Variants in TMEM61 observed in about 807,000 individuals in gnomAD.
TMEM61 encodes the protein transmembrane protein 61.
TMEM61 carries 13 observed loss-of-function variants against 12.0 expected under a neutral mutation model. That is an observed-to-expected ratio of 1.08 (90% CI 0.70 to 1.72). The LOEUF (loss-of-function observed/expected upper bound fraction) is 1.72. Ranked by LOEUF, TMEM61 falls within the 40% of genes most tolerant of loss-of-function variation. The probability of loss-of-function intolerance (pLI) is 0.00; values close to 1 mark genes in which losing one functional copy is unlikely to be tolerated. For synonymous variants in TMEM61, 109 were observed against 121.4 expected (o/e 0.90, Z 0.67); for missense variants, 249 against 276.9 (o/e 0.90, Z 0.71).
intron 2 of TMEM61, among the ~76,000 whole-genome samples, chr1:54,990,926 C>A (rs1205294764): frequency 6.6e-6 from 1 of 152,166 alleles, no homozygotes; most frequent in Non-Finnish European, 1.5e-5. Context: ...GGAGGTGAAC[C>A]AACCAGTGCC....
chr1:54,989,651 G>A (rs1003008775), intron 2 of TMEM61, among the ~76,000 whole-genome samples: 4 of 152,220 alleles, frequency 2.6e-5, no homozygotes, highest in Admixed American at 2.0e-4. Flanking sequence ...TGTGACCTTG[G>A]CGACTTGGAG....
At chr1:54,991,371 A>G (rs1644296777) in intron 2 of TMEM61, among the ~76,000 whole-genome samples, 2 of 152,214 alleles carry the variant, frequency 1.3e-5, no homozygotes, top group African/African-American at 4.8e-5. Context: ...AATCTAAAGC[A>G]TCCAGATGGG....
intron 2 of TMEM61, 108 bp downstream of exon 2, chr1:54,986,554 C>A (rs1233573260): frequency 1.3e-5 from 13 of 1,019,800 alleles, no homozygotes; most frequent in Admixed American, 7.4e-5. Context: ...TGGGGTTCCT[C>A]CTTTGGATCA....
At chr1:54,985,848 G>C (rs758833452) in intron 1 of TMEM61, among the ~76,000 whole-genome samples, 20 of 152,200 alleles carry the variant, frequency 1.3e-4, no homozygotes, top group Non-Finnish European at 2.5e-4. Context: ...GGCCCTGAGT[G>C]AAAGTGGTCA....
At chr1:54,981,157 C>T (rs889219770) in intron 1 of TMEM61, 77 bp downstream of exon 1, 53 of 1,501,240 alleles carry the variant, frequency 3.5e-5, no homozygotes, top group Non-Finnish European at 4.7e-5. Context: ...GACCCCTTCC[C>T]CTAACCTCGG....
chr1:54,982,595 A>G (rs1351957428), intron 1 of TMEM61, among the ~76,000 whole-genome samples: 1 of 152,192 alleles, frequency 6.6e-6, no homozygotes, highest in Non-Finnish European at 1.5e-5. Flanking sequence ...GAGAACACGC[A>G]AAGGGCAGTT....
intron 1 of TMEM61, among the ~76,000 whole-genome samples, chr1:54,982,721 A>G (rs1181350336): frequency 2.0e-5 from 3 of 152,224 alleles, no homozygotes; most frequent in Non-Finnish European, 2.9e-5. Flanking sequence ...CGTGGTCTCA[A>G]CTTTCTATAT....
At chr1:54,988,381 A>G (rs1644274139) in intron 2 of TMEM61, among the ~76,000 whole-genome samples, 1 of 152,188 alleles carries the variant, frequency 6.6e-6, no homozygotes, top group Non-Finnish European at 1.5e-5. Flanking sequence ...AAGCCCACCT[A>G]GGAGGTCACA....
rs571709818 is a variant in TMEM61 at position 54,991,702 on chromosome 1, G to A, written c.366-134G>A. ...CATGCCAAGTTTCAACTGCGTATAT[G>A]TGACCCTGGAGAGCCACAAAGGCTT... is the stretch of plus-strand genomic sequence containing the variant. On this transcript the variant is annotated intron_variant, in intron 2 of 2. Transcript: ENST00000371268. The A allele has an allele frequency of 7.3e-6, 8 of 1,101,938 alleles. No individual in the cohort carries two copies. In the South Asian group the frequency reaches 1.2e-4, roughly 17 times the overall value. 68.3% of individuals were successfully genotyped at this position (1,101,938 alleles called of 1,614,324 possible).
At chr1:54,987,953 A>T (rs1297198852) in intron 2 of TMEM61, among the ~76,000 whole-genome samples, 1 of 152,260 alleles carries the variant, frequency 6.6e-6, no homozygotes, top group Admixed American at 6.5e-5. Flanking sequence ...AAAGCTAGAG[A>T]TGATGCAGTA....
intron 2 of TMEM61, among the ~76,000 whole-genome samples, chr1:54,990,083 G>T (rs755087102): frequency 1.3e-5 from 2 of 152,120 alleles, no homozygotes; most frequent in Non-Finnish European, 2.9e-5. Context: ...CTTCCAGGAG[G>T]AATATTCTCT....
At position 54,982,555 on chromosome 1, in the gene TMEM61, C is replaced by A. The variant is rs576366584; in HGVS notation, c.15+1475C>A. ...GGGGATCCACATGGAAGGAGCGAGA[C>A]CCACACAGAAAATGACCCCGACCCC... On this transcript the variant is annotated intron_variant, in intron 1 of 2. Coordinates refer to ENST00000371268, the MANE Select transcript of TMEM61 (RefSeq NM_182532.3). 9.9e-5 allele frequency among the ~76,000 whole-genome samples: 15 copies of A among 151,636 alleles called. 1 individual carries two copies. The South Asian group carries it at 3.1e-3, about 32-fold the overall frequency.
At chr1:54,981,542 C>T (rs1292119813) in intron 1 of TMEM61, among the ~76,000 whole-genome samples, 1 of 152,148 alleles carries the variant, frequency 6.6e-6, no homozygotes, top group South Asian at 2.1e-4. Flanking sequence ...CACTTGAACT[C>T]AGGAGGCAGA....
chr1:54,983,109 G>GTTTTTTTT (rs780127208), intron 1 of TMEM61, among the ~76,000 whole-genome samples: 20,745 of 107,976 alleles, frequency 0.19, 5,675 homozygotes, highest in Non-Finnish European at 0.29. Flanking sequence ...GTTTTGCTTT[G>GTTTTTTTT]TTTTTTTTTT....
intron 1 of TMEM61, among the ~76,000 whole-genome samples, chr1:54,983,764 A>T (rs144092434): frequency 0.02 from 3,012 of 151,696 alleles, 84 homozygotes; most frequent in African/African-American, 0.068. Flanking sequence ...TGTTTTTTGA[A>T]TTTTTTTTCC....
chr1:54,990,650 C>G (rs1022073849), intron 2 of TMEM61, among the ~76,000 whole-genome samples: 2 of 152,190 alleles, frequency 1.3e-5, no homozygotes, highest in African/African-American at 4.8e-5. Flanking sequence ...GACTCAGCCT[C>G]TCTCAGCCTT....
chr1:54,990,771 G>A (rs1644293153), intron 2 of TMEM61, among the ~76,000 whole-genome samples: 1 of 152,132 alleles, frequency 6.6e-6, no homozygotes, highest in African/African-American at 2.4e-5. Context: ...GGCGCTGAGT[G>A]CTGCCCTCCG....
chr1:54,989,784 A>G (rs562228379), intron 2 of TMEM61, among the ~76,000 whole-genome samples: 34 of 151,914 alleles, frequency 2.2e-4, no homozygotes, highest in Non-Finnish European at 3.2e-4. Flanking sequence ...CTGCCCTGCC[A>G]GCTGTCACCT....
chr1:54,992,185 G>A lies in TMEM61; in HGVS notation c.*82G>A, dbSNP rs1644305238. The A allele has an allele frequency of 6.6e-7, 1 of 1,505,932 alleles. No individual in the cohort carries two copies. The highest frequency in any genetic ancestry group is 8.9e-7 in the Non-Finnish European group (1 of 1,122,478). 93.3% of individuals were successfully genotyped at this position (1,505,932 alleles called of 1,614,324 possible). A position where few individuals can be genotyped will look rare whatever the true frequency, so the allele number is the denominator to read the frequency against. On this transcript the variant is annotated 3_prime_UTR_variant, in exon 3 of 3. Transcript: ENST00000371268. ...TTATGCAGTGCCTGGGACACAGTAG[G>A]CACTCAGCAAACGTTCGTTGTTGAA...
Sources: gnomAD v4.1 joint callset for allele counts (sites outside exome capture counted in the v4.1 genomes callset) on GRCh38, gnomAD v4.1.1 for gene constraint, MANE v1.5 for transcripts, NCBI Gene and HGNC (gene_info 2026-07-23, HGNC 2026-07-21) for gene names.